The following STIMATE variants were observed in gnomAD, a reference collection of about 807,000 sequenced individuals.
STIMATE encodes store-operated calcium entry regulator STIMATE.
STIMATE carries 15 observed loss-of-function variants against 36.7 expected under a neutral mutation model. The ratio of observed to expected loss-of-function variants is 0.41; its 90% CI spans 0.27 to 0.63. STIMATE has a LOEUF of 0.63. STIMATE is among the 20% of genes least tolerant of loss of function. The pLI, the probability that STIMATE is intolerant of heterozygous loss-of-function variation, is 0.32. For missense variants in STIMATE, 305 were observed against 397.3 expected (o/e 0.77, Z 1.98); for synonymous variants, 163 against 162.3 (o/e 1.00, Z -0.03).
At chr3:52,851,073 A>G (rs1363380764) in intron 3 of STIMATE, among the ~76,000 whole-genome samples, 1 of 152,242 alleles carries the variant, frequency 6.6e-6, no homozygotes, top group Non-Finnish European at 1.5e-5. Flanking sequence ...AAAAGGCAAG[A>G]TAACTGGGGG....
intron 1 of STIMATE, among the ~76,000 whole-genome samples, chr3:52,857,328 G>A (rs999556179): frequency 5.3e-5 from 8 of 152,194 alleles, no homozygotes; most frequent in African/African-American, 1.9e-4. Context: ...ATATGGAGTT[G>A]AGGCCAAGAG....
intron 1 of STIMATE, among the ~76,000 whole-genome samples, chr3:52,881,167 G>A (rs531146972): frequency 7.4e-5 from 11 of 149,458 alleles, no homozygotes; most frequent in Admixed American, 1.3e-4. Context: ...TGGTGCCACC[G>A]TACTCCAGCC....
chr3:52,848,907 C>T (rs770211875), intron 4 of STIMATE, among the ~76,000 whole-genome samples: 4 of 152,204 alleles, frequency 2.6e-5, no homozygotes, highest in Non-Finnish European at 5.9e-5. Context: ...AGCTCATCTC[C>T]CCTCAACGGA....
chr3:52,852,544 C>T, intron 3 of STIMATE, 59 bp downstream of exon 3: 2 of 1,603,472 alleles, frequency 1.2e-6, no homozygotes, highest in Non-Finnish European at 8.5e-7. Flanking sequence ...AAAGCAAGGC[C>T]AGCCTATATT....
chr3:52,846,989 A>C (rs1219485060), intron 4 of STIMATE, among the ~76,000 whole-genome samples: 24 of 152,010 alleles, frequency 1.6e-4, no homozygotes, highest in Admixed American at 1.6e-3. Flanking sequence ...TTGTATCCTC[A>C]AACTCCTAGG....
In STIMATE at chr3:52,853,284, C is replaced by T. The variant is rs571622895; in HGVS notation, c.210-586G>A. On this transcript the variant is annotated intron_variant, in intron 2 of 7. Transcript: ENST00000355083. ...ACACAGCTATTCCAATCATACACAC[C>T]GGGCCTGAGGGCTGTAGTGTGCCAG... 3.7e-4 allele frequency among the ~76,000 whole-genome samples: 57 copies of T among 152,318 alleles called. 2 individuals are homozygous for T. The South Asian group carries it at 0.01, about 28-fold the overall frequency.
chr3:52,842,286 T>C (rs1402482822), intron 7 of STIMATE, among the ~76,000 whole-genome samples: 1 of 152,210 alleles, frequency 6.6e-6, no homozygotes, highest in Non-Finnish European at 1.5e-5. Context: ...CTGCTATTCA[T>C]GGCCACCGTT....
chr3:52,866,836 T>C (rs892886613), intron 1 of STIMATE, among the ~76,000 whole-genome samples: 1 of 152,196 alleles, frequency 6.6e-6, no homozygotes, highest in African/African-American at 2.4e-5. Flanking sequence ...AGGGATATAA[T>C]TTCCAGGTAG....
At chr3:52,849,999 G>C (rs1700970376) in intron 3 of STIMATE, 86 bp from the exon 4 acceptor site, 1 of 1,502,278 alleles carries the variant, frequency 6.7e-7, no homozygotes, top group African/African-American at 1.4e-5. Flanking sequence ...GAGGGAAGCG[G>C]ATGGACCCAG....
intron 4 of STIMATE, chr3:52,846,689 G>T (rs925779816): frequency 2.6e-5 from 4 of 152,202 alleles, no homozygotes; most frequent in Admixed American, 6.5e-5. Context: ...AGAAAGTTCA[G>T]AAACGTGAGA....
intron 6 of STIMATE, 120 bp downstream of exon 6, chr3:52,843,601 A>G: frequency 1.4e-6 from 2 of 1,463,634 alleles, no homozygotes; most frequent in Non-Finnish European, 1.9e-6. Context: ...GAGAGGTGGC[A>G]AATGGTCACG....
intron 1 of STIMATE, among the ~76,000 whole-genome samples, chr3:52,867,200 C>A (rs754365273): frequency 1.2e-4 from 18 of 152,230 alleles, no homozygotes; most frequent in Non-Finnish European, 2.5e-4. Flanking sequence ...TGAAAATCCA[C>A]CGAGGCAATT....
intron 3 of STIMATE, among the ~76,000 whole-genome samples, chr3:52,851,083 G>T (rs1435008415): frequency 2.0e-5 from 3 of 152,224 alleles, no homozygotes; most frequent in Non-Finnish European, 4.4e-5. Context: ...ATAACTGGGG[G>T]AGTGAGAGGA....
chr3:52,886,593 G>A (rs1040396915), intron 1 of STIMATE, among the ~76,000 whole-genome samples: 1 of 152,228 alleles, frequency 6.6e-6, no homozygotes, highest in Non-Finnish European at 1.5e-5. Context: ...TCAAAAACTG[G>A]CTGGAGGACC....
Position 52,859,606 on chromosome 3 carries a change from G to A in STIMATE, c.161-4162C>T, listed in dbSNP as rs150405203. The stretch of plus-strand genomic sequence containing the variant: ...TCCCAGCTACTTGGGAGACTGAGGC[G>A]GGAAGGGATTATTTAAGTTTAAGAG... On this transcript the variant is annotated intron_variant, in intron 1 of 7. Coordinates refer to ENST00000355083, the MANE Select transcript of STIMATE (RefSeq NM_198563.5). Among the ~76,000 whole-genome samples the A allele has an allele frequency of 7.4e-3, 1,055 of 143,174 alleles. 17 individuals carry two copies. The highest frequency in any genetic ancestry group is 0.025 in the African/African-American group (979 of 38,462). 93.9% of individuals were successfully genotyped at this position (143,174 alleles called of 152,430 possible).
chr3:52,878,689 A>G (rs1701550219), intron 1 of STIMATE, among the ~76,000 whole-genome samples: 1 of 152,212 alleles, frequency 6.6e-6, no homozygotes, highest in Admixed American at 6.5e-5. Flanking sequence ...GAACAGAAAC[A>G]TCTCCACTGG....
intron 4 of STIMATE, among the ~76,000 whole-genome samples, chr3:52,849,123 C>G (rs1700955527): frequency 6.6e-6 from 1 of 152,214 alleles, no homozygotes; most frequent in Non-Finnish European, 1.5e-5. Context: ...CTCTCCCTCC[C>G]TCTTGTCCTC....
At position 52,852,603 on chromosome 3, in the gene STIMATE, A is replaced by G. The variant is rs763575496; in HGVS notation, c.305T>C (p.Leu102Pro). ...ADLTEEDPCS[L>P]YLINFLLDAT... ...TTGCACTCAAATAGGGAACACTTACAGTGAACAAGGGTCCTCTTCAGTGAG... is the reference window on the plus strand; with the variant it reads ...TTGCACTCAAATAGGGAACACTTACGGTGAACAAGGGTCCTCTTCAGTGAG... Residue 102 changes from leucine (L) to proline (P), a missense_variant and splice_region_variant, in exon 3 of 8, where the codon CTG becomes CCG. Leu to Pro is a moderately conservative substitution (Grantham distance 98, BLOSUM62 -3). Transcript: ENST00000355083. The G allele has an allele frequency of 6.8e-6, 11 of 1,613,612 alleles. No individual in the cohort carries two copies. The highest frequency in any genetic ancestry group is 8.5e-6 in the Non-Finnish European group (10 of 1,179,844).
intron 1 of STIMATE, among the ~76,000 whole-genome samples, chr3:52,893,234 A>C (rs919241625): frequency 3.9e-5 from 6 of 152,198 alleles, no homozygotes; most frequent in Middle Eastern, 3.4e-3. Context: ...GATATCATGG[A>C]GTTATTATTA....
Sources: allele counts gnomAD v4.1 joint callset (sites outside exome capture counted in the v4.1 genomes callset), GRCh38; gene constraint gnomAD v4.1.1; transcripts MANE v1.5; gene names NCBI Gene and HGNC (gene_info 2026-07-23, HGNC 2026-07-21).